FTO: variants seen among roughly 807,000 people sequenced by gnomAD.
FTO encodes FTO alpha-ketoglutarate dependent dioxygenase.
In FTO, 47 loss-of-function variants were observed where a neutral mutation model predicts 63.9. The observed-to-expected ratio is 0.74, with a 90% CI of 0.58 to 0.94. The LOEUF (loss-of-function observed/expected upper bound fraction) is 0.94. Ranked by LOEUF, FTO falls within the 40% of genes least tolerant of loss-of-function variation. The pLI is 0.00. For synonymous variants in FTO, 207 were observed against 224.4 expected, an observed-to-expected ratio of 0.92 and a Z score of 0.69; for missense variants, 562 against 618.1, an observed-to-expected ratio of 0.91 and a Z score of 0.96.
chr16:53,875,113 G>T (rs1362386968), intron 5 of FTO, among the ~76,000 whole-genome samples: 1 of 151,998 alleles, frequency 6.6e-6, no homozygotes, highest in Non-Finnish European at 1.5e-5. Flanking sequence ...AGAGAGGGAG[G>T]GAGGAAGGGA....
At chr16:53,984,991 T>C (rs1486900143) in intron 8 of FTO, 2 of 456,234 alleles carry the variant, frequency 4.4e-6, no homozygotes, top group Non-Finnish European at 8.8e-6. Flanking sequence ...TCAGCTGCCA[T>C]TGATGTCCTT....
chr16:54,111,725 C>T, intron 8 of FTO, 37 bp from the exon 9 acceptor site: 2 of 1,613,576 alleles, frequency 1.2e-6, no homozygotes. Context: ...CTGGGGGTTT[C>T]CTCCCGTGGA....
chr16:53,739,350 C>T (rs1351161607), intron 1 of FTO, among the ~76,000 whole-genome samples: 6 of 151,110 alleles, frequency 4.0e-5, no homozygotes, highest in Admixed American at 6.6e-5. Context: ...GGACTATAGG[C>T]GCCCGCCACC....
At position 54,052,178 on chromosome 16, in the gene FTO, C is replaced by T. The variant is rs147266883; in HGVS notation, c.1365-59584C>T. Among the ~76,000 whole-genome samples the T allele has an allele frequency of 1.8e-3, 278 of 152,256 alleles. 1 individual carries two copies. Among genetic ancestry groups the T allele is most frequent in the Non-Finnish European group, 3.3e-3 (223 of 68,022 alleles). On this transcript the variant is annotated intron_variant, in intron 8 of 8. Coordinates refer to ENST00000471389, the MANE Select transcript of FTO (RefSeq NM_001080432.3). ...CATTGAGCCAGGCAATTGACAGAGA[C>T]GCCAGTGCATTTAAGACTTGAGTCT...
chr16:53,934,182 T>C, intron 8 of FTO, 73 bp downstream of exon 8: 1 of 1,527,512 alleles, frequency 6.5e-7, no homozygotes, highest in Non-Finnish European at 9.1e-7. Context: ...CCCTTCCTTA[T>C]GGCTGGCCTC....
At chr16:54,007,525 A>G (rs2084237697) in intron 8 of FTO, among the ~76,000 whole-genome samples, 1 of 152,208 alleles carries the variant, frequency 6.6e-6, no homozygotes, top group Admixed American at 6.5e-5. Flanking sequence ...GAATTAATAG[A>G]TATAAAGGTA....
At chr16:53,836,286 T>C (rs1241773237) in intron 3 of FTO, among the ~76,000 whole-genome samples, 1 of 152,178 alleles carries the variant, frequency 6.6e-6, no homozygotes, top group Admixed American at 6.5e-5. Context: ...AGCACCCTGG[T>C]CAAGAAATGA....
chr16:53,745,999 C>T (rs1237238450), intron 1 of FTO, among the ~76,000 whole-genome samples: 2 of 152,136 alleles, frequency 1.3e-5, no homozygotes, highest in Non-Finnish European at 2.9e-5. Context: ...TAATGTATAA[C>T]CCTGAGGTCA....
chr16:53,888,853 C>A lies in FTO; in HGVS notation c.1141C>A (p.Gln381Lys). 2 of 1,614,020 alleles carry A rather than the reference C, an allele frequency of 1.2e-6. No homozygotes were observed. Among genetic ancestry groups the A allele is most frequent in the Non-Finnish European group, 1.7e-6 (2 of 1,179,898 alleles). The change falls in exon 7 of 9, where the codon CAG becomes AAG. Residue 381 changes from glutamine (Q) to lysine (K), a missense_variant. By Grantham distance (53) the Gln-to-Lys change is moderately conservative. Coordinates refer to ENST00000471389, the MANE Select transcript of FTO (RefSeq NM_001080432.3). ...HNEVEFEWLR[Q>K]FWFQGNRYRK... ...ACAGGTCGAGTTTGAGTGGCTGAGG[C>A]AGTTTTGGTTTCAAGGCAATCGATA...
chr16:53,810,997 AT>A (rs1424300650), intron 2 of FTO, among the ~76,000 whole-genome samples: 1 of 152,204 alleles, frequency 6.6e-6, no homozygotes, highest in Non-Finnish European at 1.5e-5. Flanking sequence ...CCATCAAATT[AT>A]CCAGGAAGTA....
intron 1 of FTO, among the ~76,000 whole-genome samples, chr16:53,780,692 A>G (rs899979216): frequency 3.3e-5 from 5 of 152,134 alleles, no homozygotes; most frequent in African/African-American, 1.2e-4. Flanking sequence ...TTTTATTTTC[A>G]TTAAATCGCT....
intron 1 of FTO, among the ~76,000 whole-genome samples, chr16:53,717,537 G>A (rs2075923813): frequency 6.6e-6 from 1 of 152,036 alleles, no homozygotes; most frequent in Non-Finnish European, 1.5e-5. Flanking sequence ...TACTAATCAT[G>A]TGATAGAAAT....
chr16:53,783,264 G>A (rs1441006545), intron 1 of FTO, among the ~76,000 whole-genome samples: 1 of 152,026 alleles, frequency 6.6e-6, no homozygotes, highest in African/African-American at 2.4e-5. Context: ...GGTGAATCAT[G>A]AGGTCAGGAG....
Position 54,042,512 on chromosome 16 carries a change from C to T in FTO, c.1365-69250C>T, listed in dbSNP as rs1285987384. 4.5e-4 allele frequency among the ~76,000 whole-genome samples: 22 copies of T among 48,438 alleles called. 3 individuals are homozygous for T. The East Asian group carries it at 9.0e-3, about 20-fold the overall frequency. The allele number at this position is 48,438 out of a possible 152,430, so 31.8% of individuals were successfully genotyped here. A position where few individuals can be genotyped will look rare whatever the true frequency, so the allele number is the denominator to read the frequency against. On this transcript the variant is annotated intron_variant, in intron 8 of 8. Transcript: ENST00000471389. ...AGCAGTCTGAGATCAAACTGCAAGG[C>T]GGCAACGAGGCTGGGGGAGGGGCGC...
intron 8 of FTO, among the ~76,000 whole-genome samples, chr16:54,025,897 C>T (rs2084703101): frequency 6.6e-6 from 1 of 152,150 alleles, no homozygotes; most frequent in Non-Finnish European, 1.5e-5. Context: ...CCTGTAATCC[C>T]ACCTACTCTG....
intron 1 of FTO, among the ~76,000 whole-genome samples, chr16:53,747,484 C>T (rs1323436921): frequency 6.6e-6 from 1 of 151,962 alleles, no homozygotes; most frequent in African/African-American, 2.4e-5. Flanking sequence ...CATTTGTCTT[C>T]TTTTGAGAAA....
At chr16:53,874,063 G>A (rs1019275706) in intron 5 of FTO, among the ~76,000 whole-genome samples, 198 bp downstream of exon 5, 4 of 152,180 alleles carry the variant, frequency 2.6e-5, no homozygotes, top group African/African-American at 9.7e-5. Flanking sequence ...TCATGCCATG[G>A]GATAAGTGTG....
chr16:53,777,203 TCC>T (rs1256614668), intron 1 of FTO, among the ~76,000 whole-genome samples: 1 of 152,140 alleles, frequency 6.6e-6, no homozygotes, highest in Non-Finnish European at 1.5e-5. Flanking sequence ...GACTAACATC[TCC>T]CCTTTCTCTG....
intron 7 of FTO, among the ~76,000 whole-genome samples, chr16:53,929,021 T>A (rs887191993): frequency 1.4e-4 from 22 of 152,112 alleles, no homozygotes; most frequent in African/African-American, 5.3e-4. Flanking sequence ...TTTTTGTATT[T>A]TAGTAGAGAC....
Sources: gnomAD v4.1 joint callset for allele counts (sites outside exome capture counted in the v4.1 genomes callset) on GRCh38, gnomAD v4.1.1 for gene constraint, MANE v1.5 for transcripts, NCBI Gene and HGNC (gene_info 2026-07-23, HGNC 2026-07-21) for gene names.